LRTM1: variants seen among roughly 807,000 people sequenced by gnomAD.
The protein encoded by LRTM1 is leucine-rich repeat and transmembrane domain-containing protein 1.
A neutral mutation model predicts 32.4 loss-of-function variants in LRTM1; 38 were observed. The observed-to-expected ratio is 1.17, with a 90% CI of 0.91 to 1.54. The LOEUF is 1.54. Ranked by LOEUF, LRTM1 falls within the 40% of genes most tolerant of loss-of-function variation. The pLI, the probability that LRTM1 is intolerant of heterozygous loss-of-function variation, is 0.00. For missense variants in LRTM1, 466 were observed against 415.4 expected (o/e 1.12, Z -1.06); for synonymous variants, 186 against 169.9 (o/e 1.09, Z -0.74).
rs146907484 is a variant in LRTM1 at position 54,966,644 on chromosome 3, C to T, written c.-222+284G>A. On this transcript the variant is annotated intron_variant, in intron 1 of 2. Transcript: ENST00000493075. ...GATCAGCCTGGCTAACATGGTGAAA[C>T]TTCACCTCTACAGAAAATACAAAAA... Among the ~76,000 whole-genome samples, 690 of 152,250 alleles carry T rather than the reference C, an allele frequency of 4.5e-3. 3 individuals are homozygous for T. The highest frequency in any genetic ancestry group is 0.016 in the African/African-American group (649 of 41,554).
chr3:54,958,583 G>C (rs1701958987), intron 1 of LRTM1, among the ~76,000 whole-genome samples: 1 of 152,160 alleles, frequency 6.6e-6, no homozygotes, highest in Non-Finnish European at 1.5e-5. Flanking sequence ...CCTGAGTAAA[G>C]CAATAGTTAT....
At chr3:54,927,754 A>G in intron 1 of LRTM1, 151 bp downstream of exon 1, 4 of 856,048 alleles carry the variant, frequency 4.7e-6, no homozygotes, top group East Asian at 2.4e-5. Context: ...ATGCGCAAAC[A>G]TAAATCATTC....
upstream of LRTM1, among the ~76,000 whole-genome samples, chr3:54,929,970 TG>T (rs1316288809): frequency 1.3e-5 from 2 of 152,200 alleles, no homozygotes; most frequent in Admixed American, 1.3e-4. Context: ...TCTCTTTCCC[TG>T]GGGTCAGAAA....
intron 2 of LRTM1, 33 bp from the exon 3 acceptor site, chr3:54,918,925 AGCCTTGATACAACAGAGTTCCAAAATC>A: frequency 6.7e-7 from 1 of 1,500,652 alleles, no homozygotes; most frequent in Non-Finnish European, 8.9e-7. Context: ...ACAATAACAA[AGCCTTGATACAACAGAGTTCCAAAATC>A]CTCTGCCTGC....
At chr3:54,926,995 A>G (rs3806632) in intron 1 of LRTM1, among the ~76,000 whole-genome samples, 112,794 of 152,104 alleles carry the variant, frequency 0.74, 42,187 homozygotes, top group East Asian at 0.86. Flanking sequence ...TCAAAATATG[A>G]CAAACATCTG....
intron 1 of LRTM1, among the ~76,000 whole-genome samples, chr3:54,954,771 C>G (rs1701839045): frequency 6.6e-6 from 1 of 152,160 alleles, no homozygotes; most frequent in African/African-American, 2.4e-5. Context: ...CCTCCCTTCC[C>G]TGAGGCCTTA....
chr3:54,960,739 C>A (rs1702012523), intron 1 of LRTM1, among the ~76,000 whole-genome samples: 1 of 152,186 alleles, frequency 6.6e-6, no homozygotes, highest in Admixed American at 6.5e-5. Context: ...CAGTTTTGCC[C>A]AAATTAGTCC....
At chr3:54,941,152 T>C (rs1476597205) in intron 1 of LRTM1, among the ~76,000 whole-genome samples, 1 of 152,164 alleles carries the variant, frequency 6.6e-6, no homozygotes, top group African/African-American at 2.4e-5. Context: ...TTGGCCCCAG[T>C]TAAAGTAACT....
At chr3:54,957,959 G>T (rs1701942251) in intron 1 of LRTM1, among the ~76,000 whole-genome samples, 1 of 152,272 alleles carries the variant, frequency 6.6e-6, no homozygotes, top group East Asian at 1.9e-4. Context: ...AAACCACATG[G>T]ATGGCAGAGG....
At chr3:54,960,251 T>C (rs1701999501) in intron 1 of LRTM1, among the ~76,000 whole-genome samples, 1 of 152,162 alleles carries the variant, frequency 6.6e-6, no homozygotes, top group South Asian at 2.1e-4. Flanking sequence ...AATGGTGTGA[T>C]AATGTGAGCT....
chr3:54,941,817 G>A (rs1305736988), intron 1 of LRTM1, among the ~76,000 whole-genome samples: 3 of 152,188 alleles, frequency 2.0e-5, no homozygotes, highest in Admixed American at 6.5e-5. Context: ...TCTGGGGAGA[G>A]GCTTCAGGGA....
intron 1 of LRTM1, among the ~76,000 whole-genome samples, chr3:54,934,813 C>T (rs1701288818): frequency 6.6e-6 from 1 of 152,144 alleles, no homozygotes; most frequent in African/African-American, 2.4e-5. Flanking sequence ...CTCACTGCAA[C>T]TTCCATCTCC....
upstream of LRTM1, among the ~76,000 whole-genome samples, chr3:54,929,028 T>C (rs1451248459): frequency 2.0e-5 from 3 of 152,194 alleles, no homozygotes; most frequent in African/African-American, 7.2e-5. Flanking sequence ...TGTGTGTAAC[T>C]GTGTGTACGC....
At chr3:54,933,666 G>A (rs1422451565) in intron 1 of LRTM1, among the ~76,000 whole-genome samples, 1 of 151,862 alleles carries the variant, frequency 6.6e-6, no homozygotes, top group Non-Finnish European at 1.5e-5. Flanking sequence ...TAGACATTAA[G>A]TTTCAAATGA....
At chr3:54,932,800 G>A (rs770371914), upstream of LRTM1, among the ~76,000 whole-genome samples, 1 of 152,210 alleles carries the variant, frequency 6.6e-6, no homozygotes, top group Admixed American at 6.5e-5. Context: ...ATGTGGTATG[G>A]CGATCTAATG....
rs760289889 is a variant in LRTM1 at position 54,918,883 on chromosome 3, G to T, written c.614C>A (p.Thr205Lys). ...TGGTGATTCACAGATGATGCCGTCT[G>T]TTAGTCCCCCTTTAAAAAACAAAAG... The part of the protein sequence containing the change: ...LEKFVYKGGL[T>K]DGIICESPDT... The change falls in exon 3 of 3, where the codon ACA becomes AAA. Residue 205 changes from threonine to lysine, a missense_variant. Thr to Lys is a moderately conservative substitution (Grantham distance 78, BLOSUM62 -1). Transcript: ENST00000273286. The T allele has an allele frequency of 6.5e-7, 1 of 1,530,494 alleles. No individual in the cohort carries two copies. The highest frequency in any genetic ancestry group is 2.1e-5 in the Admixed American group (1 of 46,808). The allele number at this position is 1,530,494 out of a possible 1,614,324, so 94.8% of individuals were successfully genotyped here.
At chr3:54,948,725 A>G (rs1665373520) in intron 1 of LRTM1, among the ~76,000 whole-genome samples, 1 of 152,172 alleles carries the variant, frequency 6.6e-6, no homozygotes, top group African/African-American at 2.4e-5. Flanking sequence ...CAGCTATTGT[A>G]TTTGACTGTC....
intron 2 of LRTM1, 40 bp downstream of exon 2, chr3:54,924,579 G>C: frequency 1.4e-6 from 2 of 1,480,606 alleles, no homozygotes; most frequent in South Asian, 1.2e-5. Flanking sequence ...TCCTAGGCTG[G>C]TAACACACAG....
intron 1 of LRTM1, among the ~76,000 whole-genome samples, chr3:54,960,725 T>C (rs1702012152): frequency 6.6e-6 from 1 of 152,220 alleles, no homozygotes; most frequent in Non-Finnish European, 1.5e-5. Context: ...GGATACTCTG[T>C]TCTCAGTTTT....
Sources: gnomAD v4.1 joint callset for allele counts (sites outside exome capture counted in the v4.1 genomes callset) on GRCh38, gnomAD v4.1.1 for gene constraint, MANE v1.5 for transcripts, NCBI Gene and HGNC (gene_info 2026-07-23, HGNC 2026-07-21) for gene names.